The following SHISA9 variants were observed in gnomAD, a reference collection of about 807,000 sequenced individuals.
SHISA9 encodes protein shisa-9.
In SHISA9, 13 loss-of-function variants were observed where a neutral mutation model predicts 38.0. That is an observed-to-expected ratio of 0.34 (90% CI 0.22 to 0.54). The LOEUF is 0.54. Ranked by LOEUF, SHISA9 falls within the 20% of genes least tolerant of loss-of-function variation. SHISA9 has a pLI of 0.91. For missense variants in SHISA9, 538 were observed against 575.8 expected (o/e 0.93, Z 0.67); for synonymous variants, 275 against 242.0 (o/e 1.14, Z -1.27).
intron 2 of SHISA9, among the ~76,000 whole-genome samples, chr16:12,951,880 G>A (rs2071762237): frequency 6.6e-6 from 1 of 152,156 alleles, no homozygotes; most frequent in Non-Finnish European, 1.5e-5. Context: ...GGCTGAAGAT[G>A]GAGAAATATG....
At chr16:13,033,829 A>G (rs1474909207) in intron 2 of SHISA9, among the ~76,000 whole-genome samples, 1 of 152,198 alleles carries the variant, frequency 6.6e-6, no homozygotes, top group African/African-American at 2.4e-5. Flanking sequence ...CCATGATTGG[A>G]AAAATGAAAG....
At chr16:13,059,240 G>T (rs1467427848) in intron 2 of SHISA9, among the ~76,000 whole-genome samples, 1 of 144,464 alleles carries the variant, frequency 6.9e-6, no homozygotes, top group Non-Finnish European at 1.5e-5. Context: ...CCATTCTCTT[G>T]CCTCAGCCTC....
downstream of SHISA9, among the ~76,000 whole-genome samples, chr16:13,243,195 G>A (rs560320305): frequency 2.0e-5 from 3 of 151,782 alleles, no homozygotes; most frequent in South Asian, 2.1e-4. Flanking sequence ...AGCCGAGATC[G>A]CGCCACTGCA....
intron 2 of SHISA9, among the ~76,000 whole-genome samples, chr16:13,091,619 G>T (rs1001101259): frequency 5.3e-5 from 8 of 152,220 alleles, no homozygotes; most frequent in Middle Eastern, 3.4e-3. Context: ...CATGTGTCAC[G>T]AAGTTCTCAT....
chr16:12,908,125 T>G (rs1163410051), intron 1 of SHISA9, among the ~76,000 whole-genome samples: 1 of 25,242 alleles, frequency 4.0e-5, no homozygotes, highest in African/African-American at 8.1e-5. Flanking sequence ...GCTCAGGACC[T>G]GTCACAACTA....
At chr16:13,388,678 T>C in the SHISA9 span, among the ~76,000 whole-genome samples, 2 of 152,162 alleles carry the variant, frequency 1.3e-5, no homozygotes, top group Non-Finnish European at 1.5e-5. Context: ...CAGGGCTTAT[T>C]GGTAGCCTTT....
chr16:13,177,412 G>A (rs992303925), intron 2 of SHISA9, among the ~76,000 whole-genome samples: 21 of 152,104 alleles, frequency 1.4e-4, no homozygotes, highest in Non-Finnish European at 2.6e-4. Flanking sequence ...GTGGCCATCT[G>A]CTCAATAACA....
intron 2 of SHISA9, among the ~76,000 whole-genome samples, chr16:13,161,313 G>A (rs1430451284): frequency 6.6e-6 from 1 of 152,042 alleles, no homozygotes; most frequent in Non-Finnish European, 1.5e-5. Context: ...CCCTGCTTGG[G>A]TCTTTGTGTT....
chr16:12,910,534 G>A (rs2071168573), intron 1 of SHISA9: 1 of 985,378 alleles, frequency 1.0e-6, no homozygotes, highest in Non-Finnish European at 1.2e-6. Context: ...TCATAAGAAA[G>A]TACTGGTTCT....
At chr16:12,924,125 C>T (rs549298432) in intron 2 of SHISA9, among the ~76,000 whole-genome samples, 18 of 152,150 alleles carry the variant, frequency 1.2e-4, no homozygotes, top group African/African-American at 3.6e-4. Flanking sequence ...GTGGTCTGAC[C>T]CTGCTTCCAT....
chr16:13,353,952 T>C, the SHISA9 span, among the ~76,000 whole-genome samples: 9 of 152,098 alleles, frequency 5.9e-5, no homozygotes, highest in African/African-American at 2.2e-4. Flanking sequence ...GAATTATGTC[T>C]GACAGAAGGG....
chr16:13,134,686 A>G lies in SHISA9; in HGVS notation c.692-68708A>G, dbSNP rs187164289. On this transcript the variant is annotated intron_variant, in intron 2 of 4. Transcript: ENST00000558583. Reference sequence around the variant, plus strand: ...AGTCTTGCTGAGAAGCTTGGGCTTTATGCCTCGTAGTTGATGAGAGGTGTT... The same window carrying G: ...AGTCTTGCTGAGAAGCTTGGGCTTTGTGCCTCGTAGTTGATGAGAGGTGTT... Among the ~76,000 whole-genome samples, 614 of 152,202 alleles carry G rather than the reference A, an allele frequency of 4.0e-3. 1 individual carries two copies. Among genetic ancestry groups the G allele is most frequent in the Middle Eastern group, 0.014 (4 of 294 alleles).
the SHISA9 span, among the ~76,000 whole-genome samples, chr16:13,343,812 G>C: frequency 2.0e-3 from 312 of 152,256 alleles, 2 homozygotes; most frequent in African/African-American, 7.2e-3. Flanking sequence ...AATAGGAGAA[G>C]AGCATCAGTA....
At chr16:13,078,222 G>A (rs189279729) in intron 2 of SHISA9, among the ~76,000 whole-genome samples, 2 of 152,312 alleles carry the variant, frequency 1.3e-5, no homozygotes, top group Non-Finnish European at 2.9e-5. Context: ...AAAATCTCTA[G>A]ATGCTCAAGT....
chr16:13,269,694 G>C, the SHISA9 span, among the ~76,000 whole-genome samples: 5 of 152,322 alleles, frequency 3.3e-5, no homozygotes, highest in South Asian at 6.2e-4. Flanking sequence ...GACAGTATAT[G>C]CTAAGGTCCT....
At chr16:13,283,693 G>A in the SHISA9 span, among the ~76,000 whole-genome samples, 1 of 151,912 alleles carries the variant, frequency 6.6e-6, no homozygotes, top group Non-Finnish European at 1.5e-5. Flanking sequence ...TTCAAGTTGA[G>A]ATTTGGGTGG....
At chr16:13,007,624 C>A (rs1412503196) in intron 2 of SHISA9, among the ~76,000 whole-genome samples, 1 of 152,204 alleles carries the variant, frequency 6.6e-6, no homozygotes, top group Admixed American at 6.5e-5. Context: ...ATACAACCTA[C>A]AAGGCCCATC....
At chr16:13,383,566 C>A in the SHISA9 span, among the ~76,000 whole-genome samples, 1 of 152,094 alleles carries the variant, frequency 6.6e-6, no homozygotes, top group Non-Finnish European at 1.5e-5. Flanking sequence ...AATATTGGAC[C>A]TGGAAAGGGC....
the SHISA9 span, among the ~76,000 whole-genome samples, chr16:13,493,918 G>C: frequency 6.6e-6 from 1 of 151,750 alleles, no homozygotes; most frequent in African/African-American, 2.4e-5. Flanking sequence ...AGATCCCAGA[G>C]GAAAGTTCCA....
Sources: allele counts gnomAD v4.1 joint callset (sites outside exome capture counted in the v4.1 genomes callset), GRCh38; gene constraint gnomAD v4.1.1; transcripts MANE v1.5; gene names NCBI Gene and HGNC (gene_info 2026-07-23, HGNC 2026-07-21).